Variants in KCNK9 observed in about 807,000 individuals in gnomAD.
KCNK9 encodes potassium channel subfamily K member 9.
KCNK9 carries 1 observed loss-of-function variant against 10.8 expected under a neutral mutation model. That is an observed-to-expected ratio of 0.09 (90% confidence interval 0.03 to 0.44). KCNK9 has a LOEUF of 0.44. Among genes scored for constraint, KCNK9 ranks in the 20% least tolerant of loss-of-function variants. KCNK9 has a pLI of 0.97. For synonymous variants in KCNK9, 231 were observed against 222.7 expected, an observed-to-expected ratio of 1.04 and a Z score of -0.33; for missense variants, 303 against 515.0, an observed-to-expected ratio of 0.59 and a Z score of 3.98.
chr8:139,659,222 A>G (rs1309533672), intron 1 of KCNK9, among the ~76,000 whole-genome samples: 1 of 152,198 alleles, frequency 6.6e-6, no homozygotes, highest in Admixed American at 6.5e-5. Flanking sequence ...AAGGTCCCTC[A>G]CTTGCTAGGG....
chr8:139,613,128 C>A (rs1586627053), downstream of KCNK9, among the ~76,000 whole-genome samples: 1 of 152,210 alleles, frequency 6.6e-6, no homozygotes, highest in Non-Finnish European at 1.5e-5. Flanking sequence ...TGCTCTTGTT[C>A]ATGGCGGACA....
rs1373720752 is a variant in KCNK9 at position 139,617,284 on chromosome 8, A to AAAT, written c.*971_*973dup. Among the ~76,000 whole-genome samples, 2 of 152,216 alleles carry AAAT rather than the reference A, an allele frequency of 1.3e-5. No individual in the cohort carries two copies. Among genetic ancestry groups the AAAT allele is most frequent in the Non-Finnish European group, 2.9e-5 (2 of 68,042 alleles). ...CTGCACAAAATCATCAATAAGAGGG[A>AAAT]AATAGATACTCTGGGGTTCCAACAA... is the stretch of plus-strand genomic sequence containing the variant. On this transcript the variant is annotated 3_prime_UTR_variant, in exon 2 of 2. Coordinates refer to ENST00000520439, the MANE Select transcript of KCNK9 (RefSeq NM_001282534.2).
chr8:139,658,369 G>A (rs1200656755), intron 1 of KCNK9, among the ~76,000 whole-genome samples: 2 of 152,098 alleles, frequency 1.3e-5, no homozygotes, highest in Non-Finnish European at 1.5e-5. Flanking sequence ...CCCATGGCTG[G>A]ACCCACCTGG....
rs532566466 is a variant in KCNK9 at position 139,668,312 on chromosome 8, T to C, written c.283+34398A>G. On this transcript the variant is annotated intron_variant, in intron 1 of 1. Coordinates refer to ENST00000520439, the MANE Select transcript of KCNK9 (RefSeq NM_001282534.2). ...TTTACCTATATAACAAATCTGGACA[T>C]GTACCCTTGAACTTAAAATAAAAAT... Among the ~76,000 whole-genome samples, 3 of 152,224 alleles carry C rather than the reference T, an allele frequency of 2.0e-5. No homozygotes were observed. The South Asian group carries it at 6.2e-4, about 32-fold the overall frequency.
At chr8:139,637,151 C>T (rs1340212468) in intron 1 of KCNK9, among the ~76,000 whole-genome samples, 1 of 152,204 alleles carries the variant, frequency 6.6e-6, no homozygotes, top group Non-Finnish European at 1.5e-5. Flanking sequence ...CTTGACATGG[C>T]CCCAACATCT....
At chr8:139,698,575 A>G (rs916675825) in intron 1 of KCNK9, among the ~76,000 whole-genome samples, 4 of 152,194 alleles carry the variant, frequency 2.6e-5, no homozygotes, top group African/African-American at 9.6e-5. Flanking sequence ...CACTGGGCTT[A>G]GCTGCCCCTA....
intron 1 of KCNK9, among the ~76,000 whole-genome samples, chr8:139,653,163 G>A (rs1308436059): frequency 6.6e-6 from 1 of 152,210 alleles, no homozygotes; most frequent in Non-Finnish European, 1.5e-5. Context: ...CATCACGGAT[G>A]CCACCAGCCC....
At chr8:139,630,955 G>T (rs1262799679) in intron 1 of KCNK9, among the ~76,000 whole-genome samples, 2 of 152,260 alleles carry the variant, frequency 1.3e-5, no homozygotes, top group African/African-American at 4.8e-5. Context: ...GGAGCCGAAT[G>T]GTCCGCTAGG....
At chr8:139,614,435 G>A (rs1454645748), downstream of KCNK9, among the ~76,000 whole-genome samples, 1 of 152,232 alleles carries the variant, frequency 6.6e-6, no homozygotes, top group Non-Finnish European at 1.5e-5. Context: ...ATGAGCTGCT[G>A]TGACCATGCC....
At chr8:139,650,951 T>C (rs1170329983) in intron 1 of KCNK9, among the ~76,000 whole-genome samples, 1 of 152,182 alleles carries the variant, frequency 6.6e-6, no homozygotes, top group African/African-American at 2.4e-5. Context: ...CTTCCAACTC[T>C]GAGAATATTT....
intron 1 of KCNK9, among the ~76,000 whole-genome samples, chr8:139,640,595 G>GC (rs779311647): frequency 9.2e-5 from 14 of 152,254 alleles, no homozygotes; most frequent in Non-Finnish European, 1.5e-4. Context: ...ACATACCCGC[G>GC]CCCCAAGCCA....
intron 1 of KCNK9, among the ~76,000 whole-genome samples, chr8:139,655,762 T>A (rs1321474020): frequency 6.6e-6 from 1 of 152,046 alleles, no homozygotes; most frequent in African/African-American, 2.4e-5. Context: ...GCTCTGCCAA[T>A]CAGAGCCGGA....
intron 1 of KCNK9, among the ~76,000 whole-genome samples, chr8:139,681,533 T>C (rs1436102400): frequency 6.6e-6 from 1 of 152,196 alleles, no homozygotes; most frequent in Non-Finnish European, 1.5e-5. Context: ...TACTTTGAAC[T>C]TGACCCGGCA....
chr8:139,686,487 TA>T (rs1816791365), intron 1 of KCNK9, among the ~76,000 whole-genome samples: 1 of 152,236 alleles, frequency 6.6e-6, no homozygotes, highest in East Asian at 1.9e-4. Context: ...AGAAGACATT[TA>T]TGCAGCCAAC....
rs1814684862 is a variant in KCNK9, at chr8:139,618,864, G to A, written c.519C>T (p.Ile173=). The change falls in exon 2 of 2, where the codon ATC becomes ATT. Residue 173 remains isoleucine (I), a synonymous_variant. Coordinates refer to ENST00000520439, the MANE Select transcript of KCNK9 (RefSeq NM_001282534.2). This position sits in a 1 kb window ranked among gnomAD's most constrained non-coding sequence, Gnocchi z 7.9. ...GFFSCMGTLC[I]GAAAFSQCEE... is the part of the protein sequence containing the mutation. The stretch of plus-strand genomic sequence containing the variant: ...CACACTGGGAGAAGGCGGCCGCCCC[G>A]ATGCACAGCGTCCCCATGCAGGAGA... 2 of 1,614,208 alleles carry A rather than the reference G, an allele frequency of 1.2e-6. No individual in the cohort carries two copies. The highest frequency in any genetic ancestry group is 1.7e-6 in the Non-Finnish European group (2 of 1,180,042).
intron 1 of KCNK9, among the ~76,000 whole-genome samples, chr8:139,641,840 G>A (rs1305530530): frequency 1.3e-5 from 2 of 152,160 alleles, no homozygotes; most frequent in Non-Finnish European, 2.9e-5. Context: ...TGAGGACTGG[G>A]CCACACTGGT....
At chr8:139,612,409 C>T (rs941985505), downstream of KCNK9, 1 of 152,180 alleles carries the variant, frequency 6.6e-6, no homozygotes, top group African/African-American at 2.4e-5. Context: ...GCTTGGCAGT[C>T]TCTACTCCTC....
Position 139,618,863 on chromosome 8 carries a change from C to T in KCNK9, c.520G>A (p.Gly174Arg), listed in dbSNP as rs1814684759. ...TCACACTGGGAGAAGGCGGCCGCCC[C>T]GATGCACAGCGTCCCCATGCAGGAG... ...FFSCMGTLCI[G>R]AAAFSQCEEW... Residue 174 changes from glycine (G) to arginine (R), a missense_variant, in exon 2 of 2, where the codon GGG becomes AGG. Gly to Arg is a moderately radical substitution (Grantham distance 125). This residue lies in a region of KCNK9 where 53 missense variants were observed against 134.9 expected (regional missense o/e 0.39). Transcript: ENST00000520439. This position sits in a 1 kb window ranked among gnomAD's most constrained non-coding sequence, Gnocchi z 7.9. 6.2e-7 allele frequency: 1 copy of T among 1,614,078 alleles called. No homozygotes were observed. The highest frequency in any genetic ancestry group is 1.3e-5 in the African/African-American group (1 of 74,912).
At chr8:139,616,758 G>T (rs191183249), downstream of KCNK9, 1 of 152,288 alleles carries the variant, frequency 6.6e-6, no homozygotes, top group East Asian at 1.9e-4. Context: ...AAAGAGGAAT[G>T]GGAGGATGGA....
Sources: gnomAD v4.1 joint callset for allele counts (sites outside exome capture counted in the v4.1 genomes callset) on GRCh38, gnomAD v4.1.1 for gene constraint, gnomAD v4.1.1 regional missense constraint, Gnocchi (gnomAD v3.1) non-coding constraint, MANE v1.5 for transcripts, NCBI Gene and HGNC (gene_info 2026-07-23, HGNC 2026-07-21) for gene names.